Variants in PCBP3 observed in about 807,000 individuals in gnomAD.
PCBP3 encodes the protein poly(rC) binding protein 3, also known as poly(rC)-binding protein 3.
A neutral mutation model predicts 52.7 loss-of-function variants in PCBP3; 25 were observed. The ratio of observed to expected loss-of-function variants is 0.47; its 90% CI spans 0.35 to 0.66. The LOEUF (loss-of-function observed/expected upper bound fraction) is 0.66, where lower values mean the gene tolerates loss of function less well. Ranked by LOEUF, PCBP3 falls within the 30% of genes least tolerant of loss-of-function variation. PCBP3 has a pLI of 0.01. For missense variants in PCBP3, 391 were observed against 490.3 expected (o/e 0.80, Z 1.91); for synonymous variants, 162 against 183.0 (o/e 0.89, Z 0.93).
rs1252240368 is a variant in PCBP3 at position 45,817,777 on chromosome 21, A to G, written c.-125-32184A>G. 6.6e-6 allele frequency among the ~76,000 whole-genome samples: 1 copy of G among 152,186 alleles called. No homozygotes were observed. Among genetic ancestry groups the G allele is most frequent in the Admixed American group, 6.5e-5 (1 of 15,284 alleles). ...TGGGATCATAAGTCCTTACTCCTTCATGGTTGGAATCAAAATCCAAAACCT... is the reference window on the plus strand; with the variant it reads ...TGGGATCATAAGTCCTTACTCCTTCGTGGTTGGAATCAAAATCCAAAACCT... On this transcript the variant is annotated intron_variant, in intron 4 of 17. Transcript: ENST00000681687. The surrounding 1 kb of genome is among the most constrained non-coding windows in gnomAD (Gnocchi z 4.3).
intron 4 of PCBP3, among the ~76,000 whole-genome samples, chr21:45,825,595 A>T (rs2147549920): frequency 6.6e-6 from 1 of 152,154 alleles, no homozygotes; most frequent in South Asian, 2.1e-4. Flanking sequence ...TTTCCTTCAG[A>T]TTGTTTTTCT....
chr21:45,885,340 C>G (rs2095492966), intron 5 of PCBP3, among the ~76,000 whole-genome samples: 1 of 152,156 alleles, frequency 6.6e-6, no homozygotes, highest in African/African-American at 2.4e-5. Context: ...GGTTTTTAGA[C>G]TCTTGACTAC....
intron 2 of PCBP3, among the ~76,000 whole-genome samples, chr21:45,723,186 C>A (rs2084789839): frequency 6.6e-6 from 1 of 152,116 alleles, no homozygotes; most frequent in Non-Finnish European, 1.5e-5. Flanking sequence ...GTTTGGCAAC[C>A]AGGGGACACA....
intron 2 of PCBP3, among the ~76,000 whole-genome samples, chr21:45,686,124 G>A (rs1569115770): frequency 6.6e-6 from 1 of 151,962 alleles, no homozygotes; most frequent in Non-Finnish European, 1.5e-5. Flanking sequence ...CACCATATTG[G>A]CCAGGCTGGT....
intron 4 of PCBP3, among the ~76,000 whole-genome samples, chr21:45,839,381 A>T (rs1166742161): frequency 6.6e-6 from 1 of 152,216 alleles, no homozygotes; most frequent in Non-Finnish European, 1.5e-5. Context: ...GTCCTAGTTC[A>T]GTAGTTAAAT....
At chr21:45,813,410 T>C (rs1032727838) in intron 4 of PCBP3, among the ~76,000 whole-genome samples, 2 of 152,172 alleles carry the variant, frequency 1.3e-5, no homozygotes, top group African/African-American at 2.4e-5. Flanking sequence ...TTCTGATGAG[T>C]TCACTCATTA....
rs902926846 is a variant in PCBP3, at chr21:45,774,388, CAA to C, written c.-126+18949_-126+18950del. Among the ~76,000 whole-genome samples, 721 of 108,708 alleles carry C rather than the reference CAA, an allele frequency of 6.6e-3. 5 individuals carry two copies. Among genetic ancestry groups the C allele is most frequent in the African/African-American group, 0.023 (677 of 29,506 alleles). 71.3% of individuals were successfully genotyped at this position (108,708 alleles called of 152,430 possible). ...CTGGCGACAGAGCAAGACTCCATCTCAAAAAAAAAAAAAAGAAAAAAAAGTCT... is the reference window on the plus strand; with the variant it reads ...CTGGCGACAGAGCAAGACTCCATCTCAAAAAAAAAAAAGAAAAAAAAGTCT... On this transcript the variant is annotated intron_variant, in intron 4 of 17. Coordinates refer to ENST00000681687, the MANE Select transcript of PCBP3 (RefSeq NM_001384156.1).
intron 1 of PCBP3, among the ~76,000 whole-genome samples, chr21:45,645,295 G>A (rs1013470451): frequency 4.2e-4 from 64 of 151,974 alleles, no homozygotes; most frequent in African/African-American, 1.4e-3. Flanking sequence ...AGTTCATTAC[G>A]AATGGTTTAG....
intron 4 of PCBP3, among the ~76,000 whole-genome samples, chr21:45,826,882 C>G (rs2093322156): frequency 6.6e-6 from 1 of 152,150 alleles, no homozygotes; most frequent in Non-Finnish European, 1.5e-5. Flanking sequence ...CAGACCTCCC[C>G]AAAACTGTGG....
intron 4 of PCBP3, among the ~76,000 whole-genome samples, chr21:45,820,120 TCTC>T (rs1328341987): frequency 2.6e-5 from 4 of 152,242 alleles, no homozygotes; most frequent in African/African-American, 9.6e-5. Flanking sequence ...TCAGACCTCA[TCTC>T]CTCTGAAGGG....
intron 8 of PCBP3, 107 bp downstream of exon 8, chr21:45,900,730 G>A: frequency 1.1e-6 from 1 of 939,410 alleles, no homozygotes; most frequent in East Asian, 2.4e-5. Context: ...GGCCAGCCGG[G>A]GTGTGTGGGG....
intron 4 of PCBP3, among the ~76,000 whole-genome samples, chr21:45,841,433 G>A (rs943855802): frequency 6.7e-5 from 10 of 148,956 alleles, no homozygotes; most frequent in Admixed American, 2.7e-4. Flanking sequence ...TAGTTGGTTC[G>A]TGAGTTCTGT....
At chr21:45,720,247 G>C (rs995094932) in intron 2 of PCBP3, among the ~76,000 whole-genome samples, 1 of 151,682 alleles carries the variant, frequency 6.6e-6, no homozygotes, top group Non-Finnish European at 1.5e-5. Flanking sequence ...AGGCCCCAGT[G>C]TGTGATGTTC....
chr21:45,938,012 G>A (rs1443425022), intron 16 of PCBP3, among the ~76,000 whole-genome samples: 1 of 152,262 alleles, frequency 6.6e-6, no homozygotes, highest in Non-Finnish European at 1.5e-5. Context: ...GGGGAGATGG[G>A]CACCCTGAGC....
chr21:45,785,697 G>T (rs1337122885), intron 4 of PCBP3, among the ~76,000 whole-genome samples: 1 of 152,224 alleles, frequency 6.6e-6, no homozygotes, highest in Non-Finnish European at 1.5e-5. Context: ...AGAAAAGGGG[G>T]AAAGGTGGGG....
At chr21:45,662,332 G>T (rs1239009444) in intron 1 of PCBP3, among the ~76,000 whole-genome samples, 2 of 130,978 alleles carry the variant, frequency 1.5e-5, no homozygotes, top group Non-Finnish European at 3.1e-5. Context: ...TATTGCTTAG[G>T]CTGGTCCTGA....
At chr21:45,669,607 C>T (rs2081017204) in intron 2 of PCBP3, among the ~76,000 whole-genome samples, 1 of 151,738 alleles carries the variant, frequency 6.6e-6, no homozygotes, top group Non-Finnish European at 1.5e-5. Flanking sequence ...CCCCTGGCAA[C>T]TACCATTCTA....
At chr21:45,919,814 G>GGTGTGTGT (rs749618031) in intron 13 of PCBP3, among the ~76,000 whole-genome samples, 11 of 148,706 alleles carry the variant, frequency 7.4e-5, no homozygotes, top group South Asian at 2.1e-4. Flanking sequence ...CAGAAGCAGA[G>GGTGTGTGT]GTGTGTGTGT....
intron 17 of PCBP3, among the ~76,000 whole-genome samples, chr21:45,940,906 T>C (rs1603580768): frequency 6.6e-6 from 1 of 151,860 alleles, no homozygotes; most frequent in East Asian, 1.9e-4. Context: ...AGCCCTGAGC[T>C]GGGCTTGTGG....
Sources: allele counts gnomAD v4.1 joint callset (sites outside exome capture counted in the v4.1 genomes callset), GRCh38; gene constraint gnomAD v4.1.1; non-coding constraint Gnocchi (gnomAD v3.1); transcripts MANE v1.5; gene names NCBI Gene and HGNC (gene_info 2026-07-23, HGNC 2026-07-21).